Variants in TMEM150C observed in about 807,000 individuals in gnomAD.
The protein encoded by TMEM150C is transmembrane protein 150C.
TMEM150C carries 10 observed loss-of-function variants against 29.9 expected under a neutral mutation model. The observed-to-expected ratio is 0.33, with a 90% CI of 0.21 to 0.57. The LOEUF is 0.57. Ranked by LOEUF, TMEM150C falls within the 20% of genes least tolerant of loss-of-function variation. The pLI, the probability that TMEM150C is intolerant of heterozygous loss-of-function variation, is 0.88. For synonymous variants in TMEM150C, 101 were observed against 112.5 expected, an observed-to-expected ratio of 0.90 and a Z score of 0.64; for missense variants, 251 against 303.6, an observed-to-expected ratio of 0.83 and a Z score of 1.29.
chr4:82,488,118 T>C (rs1045621033), intron 7 of TMEM150C, among the ~76,000 whole-genome samples: 1 of 152,186 alleles, frequency 6.6e-6, no homozygotes, highest in Admixed American at 6.5e-5. Context: ...GTCCCCAAAG[T>C]CCACTGTGTC....
At chr4:82,547,151 G>A (rs550377724) in intron 1 of TMEM150C, among the ~76,000 whole-genome samples, 4 of 151,926 alleles carry the variant, frequency 2.6e-5, no homozygotes, top group East Asian at 3.9e-4. Flanking sequence ...AACTATGCAC[G>A]TAACTAAGGT....
intron 1 of TMEM150C, among the ~76,000 whole-genome samples, chr4:82,515,558 G>A (rs1156228619): frequency 2.6e-5 from 4 of 151,946 alleles, no homozygotes; most frequent in Admixed American, 2.6e-4. Context: ...CTAACATGGT[G>A]AAACCCCGTC....
chr4:82,561,362 C>T (rs1230236412), intron 1 of TMEM150C, among the ~76,000 whole-genome samples: 1 of 152,240 alleles, frequency 6.6e-6, no homozygotes, highest in Non-Finnish European at 1.5e-5. Context: ...GGGCGGTACA[C>T]AGGGCAAAGC....
intron 1 of TMEM150C, among the ~76,000 whole-genome samples, chr4:82,552,327 T>C (rs1010334412): frequency 5.3e-5 from 8 of 152,236 alleles, no homozygotes; most frequent in Non-Finnish European, 1.0e-4. Context: ...GCACTGGATG[T>C]GTGAGTTGGA....
chr4:82,542,352 T>C (rs1294603969), intron 1 of TMEM150C, among the ~76,000 whole-genome samples: 1 of 152,204 alleles, frequency 6.6e-6, no homozygotes, highest in Non-Finnish European at 1.5e-5. Context: ...AAAGTCTACA[T>C]AAGCGAGGAA....
chr4:82,523,297 T>C (rs1260497882), intron 1 of TMEM150C, among the ~76,000 whole-genome samples: 2 of 152,102 alleles, frequency 1.3e-5, no homozygotes, highest in Admixed American at 6.5e-5. Context: ...GTCAGGTGTA[T>C]ATACAGAGGT....
chr4:82,560,981 C>G (rs1250090985), intron 1 of TMEM150C, among the ~76,000 whole-genome samples: 1 of 152,184 alleles, frequency 6.6e-6, no homozygotes, highest in Non-Finnish European at 1.5e-5. Context: ...TTCCCACATG[C>G]GGTCACAATC....
At chr4:82,491,686 G>A (rs980153193) in intron 6 of TMEM150C, 8 of 472,316 alleles carry the variant, frequency 1.7e-5, no homozygotes, top group Non-Finnish European at 2.6e-5. Flanking sequence ...TATTTTTATA[G>A]AGATGGTGTC....
intron 1 of TMEM150C, among the ~76,000 whole-genome samples, chr4:82,523,576 C>T (rs2110079591): frequency 2.0e-5 from 3 of 152,268 alleles, no homozygotes; most frequent in Admixed American, 2.0e-4. Flanking sequence ...AGTTTGCCGG[C>T]CTGGTGGGGC....
chr4:82,502,123 C>T (rs1219726647), intron 5 of TMEM150C, among the ~76,000 whole-genome samples: 2 of 152,148 alleles, frequency 1.3e-5, no homozygotes, highest in African/African-American at 4.8e-5. Flanking sequence ...GGGTCATGGA[C>T]GCACTCACAG....
intron 6 of TMEM150C, chr4:82,491,112 G>C: frequency 1.4e-6 from 1 of 703,358 alleles, no homozygotes; most frequent in Non-Finnish European, 2.6e-6. Context: ...ACACAGGGCA[G>C]GCAGGAAGAC....
At chr4:82,514,422 G>A (rs1724225949) in intron 1 of TMEM150C, among the ~76,000 whole-genome samples, 1 of 152,242 alleles carries the variant, frequency 6.6e-6, no homozygotes, top group Non-Finnish European at 1.5e-5. Flanking sequence ...AAGACCATCA[G>A]GAACCATGTT....
intron 1 of TMEM150C, among the ~76,000 whole-genome samples, chr4:82,559,025 C>A (rs1340807614): frequency 6.6e-6 from 1 of 152,118 alleles, no homozygotes; most frequent in African/African-American, 2.4e-5. Context: ...TAAAAATGTT[C>A]TTTGTTAATT....
rs183494665 is a variant in TMEM150C, at chr4:82,485,860, C to T, written c.542-141G>A. On this transcript the variant is annotated intron_variant, in intron 7 of 7. Coordinates refer to ENST00000449862, the MANE Select transcript of TMEM150C (RefSeq NM_001080506.3). ...GTAGCCTGCTAGAGCTTGTTGAACA[C>T]GAAAATCTATATGAATAATAAGTTA... The T allele has an allele frequency of 2.4e-4, 170 of 701,846 alleles. 2 individuals carry two copies. Among genetic ancestry groups the T allele is most frequent in the South Asian group, 1.3e-3 (64 of 50,906 alleles). 43.5% of individuals were successfully genotyped at this position (701,846 alleles called of 1,614,324 possible).
intron 1 of TMEM150C, among the ~76,000 whole-genome samples, chr4:82,524,615 C>T (rs982120727): frequency 6.6e-6 from 1 of 152,168 alleles, no homozygotes; most frequent in African/African-American, 2.4e-5. Flanking sequence ...AAGTATTTAC[C>T]CAGTGCCTTC....
Position 82,560,253 on chromosome 4 carries a change from C to CA in TMEM150C, c.-11+1652dup, listed in dbSNP as rs1446971064. Among the ~76,000 whole-genome samples, 3 of 152,182 alleles carry CA rather than the reference C, an allele frequency of 2.0e-5. No homozygotes were observed. The East Asian group carries it at 5.8e-4, about 29-fold the overall frequency. On this transcript the variant is annotated intron_variant, in intron 1 of 7. Coordinates refer to ENST00000449862, the MANE Select transcript of TMEM150C (RefSeq NM_001080506.3). ...CAATTTAAATAATCCAAACAGATTG[C>CA]ATTCAGCTAATGGCAGATTATAATA...
chr4:82,486,843 C>G (rs566724082), intron 7 of TMEM150C, among the ~76,000 whole-genome samples: 1 of 151,828 alleles, frequency 6.6e-6, no homozygotes, highest in Admixed American at 6.6e-5. Context: ...TGTATATACA[C>G]AACAGAATAA....
rs1039316621 is a variant in TMEM150C, at chr4:82,528,785, G to A, written c.-10-24118C>T. Among the ~76,000 whole-genome samples the A allele has an allele frequency of 2.6e-5, 4 of 151,884 alleles. 1 individual carries two copies. The highest frequency in any genetic ancestry group is 4.8e-5 in the African/African-American group (2 of 41,344). On this transcript the variant is annotated intron_variant, in intron 1 of 7. Transcript: ENST00000449862. ...CAATTTTTGTATTTTTAGTAAAGAC[G>A]GGGTTTCACCATATTGGCCAGGCTG...
chr4:82,529,368 A>T (rs536663482), intron 1 of TMEM150C, among the ~76,000 whole-genome samples: 83 of 149,392 alleles, frequency 5.6e-4, no homozygotes, highest in South Asian at 2.3e-3. Flanking sequence ...AGCTCACTCC[A>T]GCCTCGACTT....
Sources: gnomAD v4.1 joint callset for allele counts (sites outside exome capture counted in the v4.1 genomes callset) on GRCh38, gnomAD v4.1.1 for gene constraint, MANE v1.5 for transcripts, NCBI Gene and HGNC (gene_info 2026-07-23, HGNC 2026-07-21) for gene names.